The following ACTR10 variants were observed in gnomAD, a reference collection of about 807,000 sequenced individuals.
ACTR10 encodes the protein actin related protein 10, also known as actin-related protein 10.
A neutral mutation model predicts 56.2 loss-of-function variants in ACTR10; 43 were observed. That is an observed-to-expected ratio of 0.77 (90% CI 0.60 to 0.99). ACTR10 has a LOEUF of 0.99. Among genes scored for constraint, ACTR10 ranks in the 50% least tolerant of loss-of-function variants. The pLI is 0.00. For missense variants in ACTR10, 466 were observed against 507.8 expected (o/e 0.92, Z 0.79); for synonymous variants, 170 against 176.3 (o/e 0.96, Z 0.28).
chr14:58,227,370 A>C (rs895331580), intron 10 of ACTR10, among the ~76,000 whole-genome samples: 6 of 152,154 alleles, frequency 3.9e-5, no homozygotes, highest in African/African-American at 1.4e-4. Flanking sequence ...ATCTCCACTA[A>C]AAATAAACAG....
chr14:58,214,254 G>A (rs1171732964), intron 6 of ACTR10, among the ~76,000 whole-genome samples: 1 of 151,986 alleles, frequency 6.6e-6, no homozygotes, highest in Non-Finnish European at 1.5e-5. Context: ...ACAAATAACT[G>A]AGCACATATA....
intron 4 of ACTR10, 145 bp from the exon 5 acceptor site, chr14:58,211,147 C>T: frequency 1.8e-6 from 1 of 555,424 alleles, no homozygotes; most frequent in East Asian, 3.0e-5. Flanking sequence ...CTTAATTACT[C>T]TCATAAAATG....
At chr14:58,210,014 A>T (rs1888955203) in intron 4 of ACTR10, among the ~76,000 whole-genome samples, 1 of 152,238 alleles carries the variant, frequency 6.6e-6, no homozygotes, top group African/African-American at 2.4e-5. Context: ...TCATGAGTCC[A>T]GGAATTTCAT....
At chr14:58,215,917 G>C (rs189645568) in intron 7 of ACTR10, among the ~76,000 whole-genome samples, 1 of 151,376 alleles carries the variant, frequency 6.6e-6, no homozygotes, top group Non-Finnish European at 1.5e-5. Flanking sequence ...TACAAAACTG[G>C]AAGTTAGCCT....
At position 58,230,441 on chromosome 14, in the gene ACTR10, G is replaced by A. The variant is rs769601271; in HGVS notation, c.831G>A (p.Glu277=). 35 of 1,588,482 alleles carry A rather than the reference G, an allele frequency of 2.2e-5. No homozygotes were observed. The highest frequency in any genetic ancestry group is 3.0e-5 in the Non-Finnish European group (35 of 1,169,764). The change falls in exon 11 of 13, where the codon GAG becomes GAA. Residue 277 remains glutamate (E), a synonymous_variant. Transcript: ENST00000254286. ...VEILFEQDNE[E]QSVATLILDS... is the part of the protein sequence containing the mutation. ...TTCTTTTTGAACAAGATAATGAAGA[G>A]CAATCAGTTGCCACTTTAATATTGG... is the stretch of plus-strand genomic sequence containing the variant.
At chr14:58,213,476 AACTT>A (rs1182085258) in intron 5 of ACTR10, 151 bp from the exon 6 acceptor site, 2 of 474,352 alleles carry the variant, frequency 4.2e-6, no homozygotes, top group East Asian at 6.6e-5. Context: ...CATGAAAAAA[AACTT>A]ACTCTTTGAT....
intron 11 of ACTR10, among the ~76,000 whole-genome samples, chr14:58,230,920 C>G (rs1889515726): frequency 6.6e-6 from 1 of 151,990 alleles, no homozygotes; most frequent in Non-Finnish European, 1.5e-5. Context: ...ACCACCTTGC[C>G]CAGCTAATTT....
At chr14:58,202,445 G>C (rs1255617291) in intron 1 of ACTR10, among the ~76,000 whole-genome samples, 1 of 151,556 alleles carries the variant, frequency 6.6e-6, no homozygotes, top group Non-Finnish European at 1.5e-5. Context: ...TTAGCCCTGC[G>C]TGGTGGCCGG....
chr14:58,227,565 G>A (rs1889433441), intron 10 of ACTR10, among the ~76,000 whole-genome samples: 1 of 152,176 alleles, frequency 6.6e-6, no homozygotes, highest in African/African-American at 2.4e-5. Flanking sequence ...CAAATCAGCT[G>A]ACAAAAGATT....
chr14:58,225,914 G>T (rs945721325), intron 10 of ACTR10, among the ~76,000 whole-genome samples: 2 of 152,094 alleles, frequency 1.3e-5, no homozygotes, highest in African/African-American at 4.8e-5. Context: ...GTTTCACCAT[G>T]TTGGCAAGGC....
intron 4 of ACTR10, 31 bp downstream of exon 4, chr14:58,209,138 G>T: frequency 2.2e-6 from 3 of 1,394,096 alleles, no homozygotes; most frequent in South Asian, 1.3e-5. Context: ...TAAGTAAATT[G>T]CTTTTGAAAT....
chr14:58,210,994 C>T (rs1403035829), intron 4 of ACTR10: 1 of 270,938 alleles, frequency 3.7e-6, no homozygotes, highest in Non-Finnish European at 7.1e-6. Context: ...CTTCTTTTAT[C>T]CCTTTCAATT....
intron 2 of ACTR10, among the ~76,000 whole-genome samples, chr14:58,204,379 A>C (rs556014121): frequency 2.8e-4 from 42 of 151,590 alleles, no homozygotes; most frequent in Admixed American, 1.6e-3. Context: ...GCGAGACTCC[A>C]TCTCAAAAAA....
In ACTR10 at chr14:58,234,049, T is replaced by C. The variant is rs550446024; in HGVS notation, c.1073-321T>C. ...GTGAGAGAGAAAACTCAGAATCTTATTGATTGTATTTACACAAAGTTGAAA... is the reference window on the plus strand; with the variant it reads ...GTGAGAGAGAAAACTCAGAATCTTACTGATTGTATTTACACAAAGTTGAAA... On this transcript the variant is annotated intron_variant, in intron 12 of 12. Transcript: ENST00000254286. 2.2e-4 allele frequency among the ~76,000 whole-genome samples: 34 copies of C among 152,324 alleles called. No individual in the cohort carries two copies. In the South Asian group the frequency reaches 4.4e-3, roughly 20 times the overall value.
At chr14:58,219,207 A>G (rs189540201) in intron 7 of ACTR10, among the ~76,000 whole-genome samples, 308 of 152,344 alleles carry the variant, frequency 2.0e-3, no homozygotes, top group South Asian at 7.3e-3. Flanking sequence ...TTTTATAACA[A>G]TGGTAATATA....
chr14:58,231,492 A>G (rs931807048), intron 11 of ACTR10, among the ~76,000 whole-genome samples: 2 of 152,138 alleles, frequency 1.3e-5, no homozygotes, highest in Non-Finnish European at 2.9e-5. Flanking sequence ...TCGTTTAATG[A>G]CTATGTAATT....
chr14:58,234,605 G>C lies in ACTR10; in HGVS notation c.*54G>C. The C allele has an allele frequency of 6.5e-7, 1 of 1,530,692 alleles. No homozygotes were observed. The highest frequency in any genetic ancestry group is 8.9e-7 in the Non-Finnish European group (1 of 1,121,608). The allele number at this position is 1,530,692 out of a possible 1,614,324, so 94.8% of individuals were successfully genotyped here. A position where few individuals can be genotyped will look rare whatever the true frequency, so the allele number is the denominator to read the frequency against. On this transcript the variant is annotated 3_prime_UTR_variant, in exon 13 of 13. Transcript: ENST00000254286. ...ATATCAAATATTTAACCAATTATAA[G>C]CAAATTGTACAAAGTATGTAGGATG...
intron 8 of ACTR10, 52 bp from the exon 9 acceptor site, chr14:58,223,570 C>G (rs1490883331): frequency 7.0e-7 from 1 of 1,426,308 alleles, no homozygotes; most frequent in East Asian, 2.3e-5. Context: ...TAGGTACACT[C>G]TGTTCAATTA....
At chr14:58,206,039 G>T (rs376892800) in intron 2 of ACTR10, among the ~76,000 whole-genome samples, 1 of 151,892 alleles carries the variant, frequency 6.6e-6, no homozygotes, top group Non-Finnish European at 1.5e-5. Context: ...ACGGGGGCGG[G>T]GGATGGAAGT....
Sources: gnomAD v4.1 joint callset for allele counts (sites outside exome capture counted in the v4.1 genomes callset) on GRCh38, gnomAD v4.1.1 for gene constraint, MANE v1.5 for transcripts, NCBI Gene and HGNC (gene_info 2026-07-23, HGNC 2026-07-21) for gene names.